MACROD2: variants seen among roughly 807,000 people sequenced by gnomAD.
MACROD2 encodes the protein mono-ADP ribosylhydrolase 2, also known as ADP-ribose glycohydrolase MACROD2.
MACROD2 carries 36 observed loss-of-function variants against 70.4 expected under a neutral mutation model. The ratio of observed to expected loss-of-function variants is 0.51; its 90% CI spans 0.39 to 0.68. MACROD2 has a LOEUF of 0.68. MACROD2 is among the 30% of genes least tolerant of loss of function. MACROD2 has a pLI of 0.00. For missense variants in MACROD2, 496 were observed against 538.4 expected (o/e 0.92, Z 0.78); for synonymous variants, 172 against 178.8 (o/e 0.96, Z 0.30).
intron 3 of MACROD2, among the ~76,000 whole-genome samples, chr20:14,437,913 C>G (rs1007942996): frequency 6.6e-6 from 1 of 152,050 alleles, no homozygotes; most frequent in Non-Finnish European, 1.5e-5. Flanking sequence ...TTAACATATT[C>G]ATTATCTCAC....
At chr20:14,309,189 T>A (rs528566917) in intron 3 of MACROD2, among the ~76,000 whole-genome samples, 38 of 152,286 alleles carry the variant, frequency 2.5e-4, no homozygotes, top group African/African-American at 8.9e-4. Flanking sequence ...ATGAATAAAA[T>A]GAGGATTACC....
chr20:15,768,743 C>T (rs2051570691), intron 8 of MACROD2, among the ~76,000 whole-genome samples: 1 of 152,140 alleles, frequency 6.6e-6, no homozygotes, highest in Non-Finnish European at 1.5e-5. Context: ...TACAGCTATA[C>T]AAAAATATTT....
At chr20:14,881,947 A>G (rs1002520722) in intron 5 of MACROD2, among the ~76,000 whole-genome samples, 18 of 152,190 alleles carry the variant, frequency 1.2e-4, no homozygotes, top group Non-Finnish European at 2.2e-4. Context: ...CAACATTTGC[A>G]TATGTTCACG....
At chr20:15,168,722 CTG>C (rs1402738823) in intron 5 of MACROD2, among the ~76,000 whole-genome samples, 1 of 152,038 alleles carries the variant, frequency 6.6e-6, no homozygotes, top group African/African-American at 2.4e-5. Context: ...TAGTGAGTTC[CTG>C]TAGTCCCAGA....
chr20:15,575,713 C>G (rs897048694), intron 8 of MACROD2, among the ~76,000 whole-genome samples: 1 of 152,054 alleles, frequency 6.6e-6, no homozygotes, highest in African/African-American at 2.4e-5. Context: ...CATATCATGC[C>G]CTGAGAAAAG....
rs1555794553 is a variant in MACROD2, at chr20:15,227,835, T to TG, written c.419-2105_419-2104insG. 1.4e-5 allele frequency among the ~76,000 whole-genome samples: 2 copies of TG among 143,218 alleles called. 1 individual carries two copies. Among genetic ancestry groups the TG allele is most frequent in the South Asian group, 4.5e-4 (2 of 4,470 alleles). The allele number at this position is 143,218 out of a possible 152,430, so 94.0% of individuals were successfully genotyped here. On this transcript the variant is annotated intron_variant, in intron 5 of 17. Coordinates refer to ENST00000684519, the MANE Select transcript of MACROD2 (RefSeq NM_001351661.2). ...TAGAATTTCACCTGTTTTTTTTTTT[T>TG]TTTTTTTTTTTTTTCAAATTTAATT...
chr20:15,403,644 C>A (rs185006425), intron 6 of MACROD2, among the ~76,000 whole-genome samples: 1 of 152,110 alleles, frequency 6.6e-6, no homozygotes, highest in Non-Finnish European at 1.5e-5. Context: ...CTGGGCCATG[C>A]GGTCTAAGTG....
chr20:15,695,370 G>C (rs2050352502), intron 8 of MACROD2, among the ~76,000 whole-genome samples: 1 of 150,066 alleles, frequency 6.7e-6, no homozygotes, highest in Non-Finnish European at 1.5e-5. Context: ...TTTTCCATTT[G>C]TTTGTGTAGT....
rs991984258 is a variant in MACROD2 at position 16,050,768 on chromosome 20, C to G, written c.*892C>G. ...ATATGCCTATGAATATCAAAAGCTC[C>G]TCCTGAAATTGCTGTGAGTTTTCCA... On this transcript the variant is annotated 3_prime_UTR_variant, in exon 18 of 18. Coordinates refer to ENST00000684519, the MANE Select transcript of MACROD2 (RefSeq NM_001351661.2). 1 of 152,228 alleles carries G rather than the reference C, an allele frequency of 6.6e-6. No homozygotes were observed. Among genetic ancestry groups the G allele is most frequent in the Non-Finnish European group, 1.5e-5 (1 of 68,054 alleles). 9.4% of individuals were successfully genotyped at this position (152,228 alleles called of 1,614,324 possible).
At chr20:14,365,739 A>G (rs1233106110) in intron 3 of MACROD2, among the ~76,000 whole-genome samples, 1 of 152,024 alleles carries the variant, frequency 6.6e-6, no homozygotes, top group African/African-American at 2.4e-5. Flanking sequence ...TATAATACAG[A>G]TTTTGTAACT....
At chr20:14,659,612 G>T (rs960839404) in intron 4 of MACROD2, among the ~76,000 whole-genome samples, 9 of 151,986 alleles carry the variant, frequency 5.9e-5, no homozygotes, top group Non-Finnish European at 1.2e-4. Context: ...ACCCTCCTCA[G>T]GTTACAATGC....
intron 8 of MACROD2, among the ~76,000 whole-genome samples, chr20:15,778,589 T>A (rs938776296): frequency 2.0e-5 from 3 of 152,012 alleles, no homozygotes; most frequent in African/African-American, 7.2e-5. Flanking sequence ...CCTGGATGAA[T>A]TTTATTTACC....
At position 15,517,272 on chromosome 20, in the gene MACROD2, A is replaced by C. The variant is rs115268694; in HGVS notation, c.645+17425A>C. 2.7e-3 allele frequency among the ~76,000 whole-genome samples: 411 copies of C among 152,126 alleles called. 2 individuals carry two copies. Among genetic ancestry groups the C allele is most frequent in the African/African-American group, 9.5e-3 (395 of 41,520 alleles). ...CACCACCACATTTGCAGGTCCCCCC[A>C]CTTATAAGGCTCTTCCTAAAGCTCT... On this transcript the variant is annotated intron_variant, in intron 8 of 17. Transcript: ENST00000684519.
At chr20:15,874,363 T>C (rs184966367) in intron 9 of MACROD2, among the ~76,000 whole-genome samples, 99 of 152,206 alleles carry the variant, frequency 6.5e-4, no homozygotes, top group African/African-American at 2.3e-3. Flanking sequence ...TGAATAGTGC[T>C]GCAATAAACA....
chr20:15,929,128 C>T (rs2065535072), intron 10 of MACROD2, among the ~76,000 whole-genome samples: 1 of 152,148 alleles, frequency 6.6e-6, no homozygotes, highest in Non-Finnish European at 1.5e-5. Flanking sequence ...CTGATGTAGG[C>T]TGGGCTCAGT....
intron 5 of MACROD2, among the ~76,000 whole-genome samples, chr20:14,871,253 A>C (rs1246491316): frequency 6.6e-5 from 10 of 152,144 alleles, no homozygotes; most frequent in Admixed American, 6.6e-4. Flanking sequence ...AAAAATGTTA[A>C]AGGCAGCTAA....
chr20:14,134,820 A>AAAC (rs1167850299), intron 3 of MACROD2, among the ~76,000 whole-genome samples: 1 of 151,482 alleles, frequency 6.6e-6, no homozygotes, highest in African/African-American at 2.4e-5. Context: ...AAAAAAAAAA[A>AAAC]AACAGCTACA....
chr20:15,081,685 G>A (rs1220038623), intron 5 of MACROD2, among the ~76,000 whole-genome samples: 1 of 152,138 alleles, frequency 6.6e-6, no homozygotes, highest in Non-Finnish European at 1.5e-5. Flanking sequence ...GGGGTGAGTA[G>A]AGACCACCCC....
At chr20:14,342,215 G>A (rs550710450) in intron 3 of MACROD2, among the ~76,000 whole-genome samples, 104 of 152,316 alleles carry the variant, frequency 6.8e-4, no homozygotes, top group African/African-American at 2.3e-3. Flanking sequence ...TGATCCAAAG[G>A]AAAATGGGGT....
Sources: allele counts gnomAD v4.1 joint callset (sites outside exome capture counted in the v4.1 genomes callset), GRCh38; gene constraint gnomAD v4.1.1; transcripts MANE v1.5; gene names NCBI Gene and HGNC (gene_info 2026-07-23, HGNC 2026-07-21).